Variants in NEMF observed in about 807,000 individuals in gnomAD.
The protein encoded by NEMF is nuclear export mediator factor, also known as ribosome quality control complex subunit NEMF.
A neutral mutation model predicts 162.2 loss-of-function variants in NEMF; 89 were observed. The observed-to-expected ratio is 0.55, with a 90% confidence interval of 0.46 to 0.65. The LOEUF (loss-of-function observed/expected upper bound fraction) is 0.65. Among genes scored for constraint, NEMF ranks in the 30% least tolerant of loss-of-function variants. The pLI is 0.00. For missense variants in NEMF, 1,133 were observed against 1,261.9 expected (o/e 0.90, Z 1.55); for synonymous variants, 421 against 404.5 (o/e 1.04, Z -0.49).
rs1319509077 is a variant in NEMF at position 49,829,067 on chromosome 14, T to A, written c.1219A>T (p.Thr407Ser). ...KELKLQTNHVTMLLRNPYLLS... is the reference protein window; with the variant it reads ...KELKLQTNHVSMLLRNPYLLS... Reference sequence around the variant, plus strand: ...AGTCAAACTTACCTTAGCAGCATTGTAACATGGTTTGTTTGTAGTTTTAAT... The same window carrying A: ...AGTCAAACTTACCTTAGCAGCATTGAAACATGGTTTGTTTGTAGTTTTAAT... Residue 407 changes from threonine (T) to serine (S), a missense_variant, in exon 13 of 33, where the codon ACA (threonine) becomes TCA (serine). Thr to Ser is a moderately conservative substitution (Grantham distance 58). This residue lies in a region of NEMF where 582 missense variants were observed against 631.5 expected (regional missense o/e 0.92). Coordinates refer to ENST00000298310, the MANE Select transcript of NEMF (RefSeq NM_004713.6). 1.9e-6 allele frequency: 3 copies of A among 1,613,918 alleles called. No individual in the cohort carries two copies. In the African/African-American group the frequency reaches 4.0e-5, roughly 22 times the overall value.
Position 49,834,169 on chromosome 14 carries a change from C to G in NEMF, c.661+194G>C, listed in dbSNP as rs1202819830. The G allele has an allele frequency of 3.2e-5, 19 of 586,004 alleles. No homozygotes were observed. The East Asian group carries it at 6.1e-4, about 19-fold the overall frequency. 36.3% of individuals were successfully genotyped at this position (586,004 alleles called of 1,614,324 possible). A position where few individuals can be genotyped will look rare whatever the true frequency, so the allele number is the denominator to read the frequency against. On this transcript the variant is annotated intron_variant, in intron 7 of 32. Transcript: ENST00000298310. ...GCAGCTGTGCAGTCACCACCCACTGCAGCCTCAAACACCCAGGCTTAAGTG... is the reference window on the plus strand; with the variant it reads ...GCAGCTGTGCAGTCACCACCCACTGGAGCCTCAAACACCCAGGCTTAAGTG...
chr14:49,794,565 G>T (rs1890597493), intron 26 of NEMF, among the ~76,000 whole-genome samples: 1 of 147,734 alleles, frequency 6.8e-6, no homozygotes, highest in Non-Finnish European at 1.5e-5. Context: ...CTACAAACAT[G>T]CCTGTAAATA....
At chr14:49,834,500 T>G in intron 6 of NEMF, 51 bp from the exon 7 acceptor site, 3 of 1,347,700 alleles carry the variant, frequency 2.2e-6, no homozygotes, top group Non-Finnish European at 3.1e-6. Flanking sequence ...AATTCTTTTT[T>G]GTTTTTGTTT....
Position 49,782,820 on chromosome 14 carries a change from C to T in NEMF, c.*1816G>A, listed in dbSNP as rs146260268. The stretch of plus-strand genomic sequence containing the variant: ...TGAAATTACTTTTCTCTTTCCTTGT[C>T]CACTTTCAGGCTAAGCTTAGAAGCA... On this transcript the variant is annotated 3_prime_UTR_variant, in exon 33 of 33. Coordinates refer to ENST00000298310, the MANE Select transcript of NEMF (RefSeq NM_004713.6). The T allele has an allele frequency of 3.2e-4, 520 of 1,609,148 alleles. No homozygotes were observed. Among genetic ancestry groups the T allele is most frequent in the Non-Finnish European group, 4.1e-4 (480 of 1,178,522 alleles).
chr14:49,828,827 G>T lies in NEMF; in HGVS notation c.1233-20C>A, dbSNP rs370000172. The T allele has an allele frequency of 4.0e-6, 6 of 1,500,336 alleles. No individual in the cohort carries two copies. The African/African-American group carries it at 7.1e-5, about 18-fold the overall frequency. 92.9% of individuals were successfully genotyped at this position (1,500,336 alleles called of 1,614,324 possible). On this transcript the variant is annotated intron_variant, in intron 13 of 32. Coordinates refer to ENST00000298310, the MANE Select transcript of NEMF (RefSeq NM_004713.6). ...GGATTTCTATTAAAAATATTCAATA[G>T]CATTTCACTAACGTCAATGACATCA...
At chr14:49,835,946 G>A (rs1385624220) in intron 6 of NEMF, among the ~76,000 whole-genome samples, 2 of 152,162 alleles carry the variant, frequency 1.3e-5, no homozygotes, top group Non-Finnish European at 2.9e-5. Flanking sequence ...AGAAATTAAA[G>A]ATCTAAATAA....
At chr14:49,817,994 T>A (rs1891802912) in intron 16 of NEMF, among the ~76,000 whole-genome samples, 1 of 151,234 alleles carries the variant, frequency 6.6e-6, no homozygotes, top group African/African-American at 2.4e-5. Context: ...ATCCTAGTCA[T>A]CAACAGAGAT....
At chr14:49,800,784 T>G (rs1203535672) in intron 22 of NEMF, 88 bp from the exon 23 acceptor site, 5 of 1,247,918 alleles carry the variant, frequency 4.0e-6, no homozygotes, top group Non-Finnish European at 5.6e-6. Flanking sequence ...ATTCCACTGT[T>G]TCTCCCATAT....
intron 1 of NEMF, 128 bp downstream of exon 1, chr14:49,852,567 G>A (rs1038673738): frequency 6.0e-6 from 6 of 994,012 alleles, no homozygotes; most frequent in Non-Finnish European, 9.3e-6. Context: ...TGCCCACTCA[G>A]GCCTAGGCAG....
chr14:49,825,609 G>A (rs751071182), intron 16 of NEMF, among the ~76,000 whole-genome samples: 1 of 152,158 alleles, frequency 6.6e-6, no homozygotes, highest in African/African-American at 2.4e-5. Context: ...AGTGGCATGT[G>A]CCTGTAGTCT....
chr14:49,785,199 T>C (rs1479747631), intron 30 of NEMF, 21 bp downstream of exon 30: 2 of 1,605,816 alleles, frequency 1.2e-6, no homozygotes, highest in Non-Finnish European at 1.7e-6. Context: ...AAAGCCATTC[T>C]GTCAACTAAT....
intron 16 of NEMF, among the ~76,000 whole-genome samples, chr14:49,817,316 G>A (rs937801504): frequency 1.1e-4 from 16 of 152,020 alleles, no homozygotes; most frequent in African/African-American, 1.7e-4. Context: ...GGTGGTGGGC[G>A]CCTGTAATCC....
At chr14:49,842,103 C>T (rs904584464) in intron 4 of NEMF, among the ~76,000 whole-genome samples, 7 of 147,672 alleles carry the variant, frequency 4.7e-5, no homozygotes, top group African/African-American at 1.7e-4. Flanking sequence ...GAAACTCCGT[C>T]TCAAAAAAAA....
intron 7 of NEMF, 60 bp from the exon 8 acceptor site, chr14:49,833,556 C>A: frequency 9.3e-7 from 1 of 1,070,092 alleles, no homozygotes; most frequent in Non-Finnish European, 1.4e-6. Flanking sequence ...TTAACCGTGG[C>A]TAAACAACTA....
chr14:49,828,450 C>G, intron 14 of NEMF, 96 bp from the exon 15 acceptor site: 3 of 980,056 alleles, frequency 3.1e-6, no homozygotes, highest in Non-Finnish European at 3.1e-6. Context: ...TTATACAGAA[C>G]AAATCAGAAC....
rs996359798 is a variant in NEMF, at chr14:49,782,722, T to C, written c.*1914A>G. 1.9e-5 allele frequency: 27 copies of C among 1,417,402 alleles called. No homozygotes were observed. In the South Asian group the frequency reaches 3.2e-4, roughly 17 times the overall value. The allele number at this position is 1,417,402 out of a possible 1,614,324, so 87.8% of individuals were successfully genotyped here. ...ACTTCATTGCTATAACCAGTTCCTA[T>C]GAAAATCTTTGAAGAAAGAAAGAGG... is the stretch of plus-strand genomic sequence containing the variant. On this transcript the variant is annotated 3_prime_UTR_variant, in exon 33 of 33. Coordinates refer to ENST00000298310, the MANE Select transcript of NEMF (RefSeq NM_004713.6).
In NEMF at chr14:49,832,268, T is replaced by C; in HGVS notation, c.745A>G (p.Ile249Val). 3 of 1,587,424 alleles carry C rather than the reference T, an allele frequency of 1.9e-6. No homozygotes were observed. The highest frequency in any genetic ancestry group is 2.2e-5 in the East Asian group (1 of 44,734). The change falls in exon 9 of 33, where the codon ATT becomes GTT. Residue 249 changes from isoleucine to valine, a missense_variant. Transcript: ENST00000298310. ...TSNFSGKGYI[I>V]QKREIKPSLE... ...CTTGGTTTTATTTCTCTTTTCTGAA[T>C]GATATATCCCTACAAAAATGCAACA...
At chr14:49,843,345 T>C (rs182202058) in intron 4 of NEMF, among the ~76,000 whole-genome samples, 73 of 151,842 alleles carry the variant, frequency 4.8e-4, no homozygotes, top group Non-Finnish European at 7.4e-4. Flanking sequence ...AATAAAAAAA[T>C]TGGCCAGGCA....
chr14:49,841,832 G>A (rs912613079), intron 4 of NEMF, among the ~76,000 whole-genome samples: 6 of 152,032 alleles, frequency 3.9e-5, no homozygotes, highest in Non-Finnish European at 8.8e-5. Context: ...ATGGCTGGGC[G>A]CAGTGGCTCA....
Sources: allele counts gnomAD v4.1 joint callset (sites outside exome capture counted in the v4.1 genomes callset), GRCh38; gene constraint gnomAD v4.1.1; regional missense constraint gnomAD v4.1.1; transcripts MANE v1.5; gene names NCBI Gene and HGNC (gene_info 2026-07-23, HGNC 2026-07-21).